The following WDFY4 variants were observed in gnomAD, a reference collection of about 807,000 sequenced individuals.
WDFY4 encodes WDFY family member 4, also known as WD repeat- and FYVE domain-containing protein 4.
A neutral mutation model predicts 351.9 loss-of-function variants in WDFY4; 169 were observed. That is an observed-to-expected ratio of 0.48 (90% CI 0.42 to 0.55). WDFY4 has a LOEUF of 0.55. Ranked by LOEUF, WDFY4 falls within the 20% of genes least tolerant of loss-of-function variation. The pLI is 0.00. For missense variants in WDFY4, 3,803 were observed against 3,935.6 expected (o/e 0.97, Z 0.90); for synonymous variants, 1,622 against 1,574.6 (o/e 1.03, Z -0.71).
intron 20 of WDFY4, among the ~76,000 whole-genome samples, chr10:48,787,949 T>C (rs1427299921): frequency 1.8e-5 from 2 of 110,574 alleles, no homozygotes; most frequent in South Asian, 3.3e-4. Flanking sequence ...CTTCTTCTTC[T>C]TCTTCTTCTT....
intron 12 of WDFY4, among the ~76,000 whole-genome samples, chr10:48,753,583 G>A (rs1745486457): frequency 6.6e-6 from 1 of 152,112 alleles, no homozygotes; most frequent in African/African-American, 2.4e-5. Flanking sequence ...TTTGCTTATA[G>A]CTATTCAACT....
At chr10:48,981,572 C>T (rs886376257) in intron 61 of WDFY4, 94 bp downstream of exon 61, 13 of 1,181,356 alleles carry the variant, frequency 1.1e-5, no homozygotes, top group Admixed American at 6.3e-5. Context: ...GCCACCTGGC[C>T]GAGGAGGCCA....
rs369408749 is a variant in WDFY4 at position 48,821,046 on chromosome 10, C to T, written c.5710-16C>T. 2.9e-5 allele frequency: 45 copies of T among 1,543,002 alleles called. No homozygotes were observed. Among genetic ancestry groups the T allele is most frequent in the East Asian group, 1.5e-4 (6 of 40,888 alleles). ...GGCCCTGTGGTTGCTGTCTCAGTCC[C>T]GGGCTGTGCTTCCAGGCTTCTCCAG... On this transcript the variant is annotated splice_polypyrimidine_tract_variant and intron_variant, in intron 33 of 61. Coordinates refer to ENST00000325239, the MANE Select transcript of WDFY4 (RefSeq NM_001394531.1).
rs75119355 is a variant in WDFY4, at chr10:48,857,693, G to A, written c.6664-9572G>A. ...ATATCCATCTAGATGGGTGACCTGG[G>A]TGGAACAAAGTGTACTAAGGTCTTT... On this transcript the variant is annotated intron_variant, in intron 39 of 61. Transcript: ENST00000325239. 1.6e-4 allele frequency among the ~76,000 whole-genome samples: 24 copies of A among 152,226 alleles called. No individual in the cohort carries two copies. The East Asian group carries it at 4.6e-3, about 29-fold the overall frequency.
chr10:48,811,732 G>T, intron 30 of WDFY4, 24 bp downstream of exon 30: 2 of 1,548,208 alleles, frequency 1.3e-6, no homozygotes, highest in Non-Finnish European at 1.7e-6. Flanking sequence ...GCACCCACAG[G>T]GTGACACACT....
intron 2 of WDFY4, among the ~76,000 whole-genome samples, chr10:48,717,432 A>T (rs2063944017): frequency 6.6e-6 from 1 of 152,218 alleles, no homozygotes; most frequent in Admixed American, 6.5e-5. Context: ...TTTGTTCAAA[A>T]CACATGAGTA....
chr10:48,832,488 G>T (rs945664031), intron 38 of WDFY4, 85 bp from the exon 39 acceptor site: 27 of 1,418,108 alleles, frequency 1.9e-5, no homozygotes, highest in Non-Finnish European at 2.2e-5. Context: ...CATGCCCCTG[G>T]CTGGCCCTTT....
At chr10:48,691,397 G>A (rs2063191822) in intron 1 of WDFY4, among the ~76,000 whole-genome samples, 2 of 152,268 alleles carry the variant, frequency 1.3e-5, no homozygotes, top group Non-Finnish European at 2.9e-5. Context: ...GGGCCCCTAA[G>A]CCTGACCCTA....
intron 12 of WDFY4, among the ~76,000 whole-genome samples, chr10:48,747,664 A>G (rs549261087): frequency 2.6e-5 from 4 of 152,310 alleles, no homozygotes; most frequent in East Asian, 1.9e-4. Context: ...TAAAATTTCA[A>G]TGACAGTATT....
intron 39 of WDFY4, among the ~76,000 whole-genome samples, chr10:48,842,389 G>T (rs1187990611): frequency 2.6e-5 from 4 of 152,040 alleles, no homozygotes; most frequent in East Asian, 1.9e-4. Context: ...TGCAGGGAAT[G>T]GTCGCCTGTG....
chr10:48,953,204 C>G (rs1841415052), intron 51 of WDFY4, among the ~76,000 whole-genome samples: 1 of 152,212 alleles, frequency 6.6e-6, no homozygotes, highest in African/African-American at 2.4e-5. Context: ...CCCAGGATTG[C>G]TCCCTAGTTC....
intron 1 of WDFY4, among the ~76,000 whole-genome samples, chr10:48,707,587 T>C (rs1330407577): frequency 6.6e-6 from 1 of 152,140 alleles, no homozygotes; most frequent in East Asian, 1.9e-4. Flanking sequence ...AGGTAGCAGT[T>C]AGAGGAAATG....
At chr10:48,901,672 C>G (rs557833811) in intron 46 of WDFY4, 129 bp from the exon 47 acceptor site, 251 of 993,528 alleles carry the variant, frequency 2.5e-4, no homozygotes, top group Admixed American at 3.7e-4. Flanking sequence ...TGTTCACGAC[C>G]TGGGGGCAGG....
At chr10:48,778,945 C>A in intron 18 of WDFY4, 113 bp downstream of exon 18, 1 of 1,219,206 alleles carries the variant, frequency 8.2e-7, no homozygotes, top group Non-Finnish European at 1.1e-6. Flanking sequence ...TGTTTCTCCT[C>A]ATCCTTTGAA....
chr10:48,923,212 G>A (rs1196763203), intron 47 of WDFY4, among the ~76,000 whole-genome samples: 1 of 152,002 alleles, frequency 6.6e-6, no homozygotes, highest in Non-Finnish European at 1.5e-5. Context: ...TAGCATCTGG[G>A]CACCACTGTG....
At chr10:48,892,285 C>A (rs1836848102) in intron 44 of WDFY4, among the ~76,000 whole-genome samples, 1 of 152,136 alleles carries the variant, frequency 6.6e-6, no homozygotes, top group Non-Finnish European at 1.5e-5. Flanking sequence ...TGAGGTGTAC[C>A]TAATCATGAT....
chr10:48,743,948 G>A (rs970908775), intron 12 of WDFY4, among the ~76,000 whole-genome samples: 4 of 152,140 alleles, frequency 2.6e-5, no homozygotes, highest in African/African-American at 7.2e-5. Flanking sequence ...CAGGGGTGGG[G>A]TGAGATCCTT....
intron 60 of WDFY4, 137 bp downstream of exon 60, chr10:48,978,530 G>T (rs2131878639): frequency 1.3e-6 from 1 of 761,816 alleles, no homozygotes; most frequent in Non-Finnish European, 2.0e-6. Context: ...GCACAGAGAG[G>T]TTCAGTGACT....
intron 39 of WDFY4, among the ~76,000 whole-genome samples, chr10:48,851,800 C>A (rs1219550466): frequency 6.6e-6 from 1 of 152,240 alleles, no homozygotes. Flanking sequence ...TACCACCAAG[C>A]TTTGGTGAGC....
Sources: allele counts gnomAD v4.1 joint callset (sites outside exome capture counted in the v4.1 genomes callset), GRCh38; gene constraint gnomAD v4.1.1; transcripts MANE v1.5; gene names NCBI Gene and HGNC (gene_info 2026-07-23, HGNC 2026-07-21).